EPHA5: variants seen among roughly 807,000 people sequenced by gnomAD.
EPHA5 encodes the protein ephrin type-A receptor 5.
A neutral mutation model predicts 105.0 loss-of-function variants in EPHA5; 60 were observed. The ratio of observed to expected loss-of-function variants is 0.57; its 90% CI spans 0.46 to 0.71. The LOEUF is 0.71. Among genes scored for constraint, EPHA5 ranks in the 30% least tolerant of loss-of-function variants. EPHA5 has a pLI of 0.00. For synonymous variants in EPHA5, 513 were observed against 449.1 expected, an observed-to-expected ratio of 1.14 and a Z score of -1.80; for missense variants, 1,218 against 1,274.7, an observed-to-expected ratio of 0.96 and a Z score of 0.68.
intron 3 of EPHA5, among the ~76,000 whole-genome samples, chr4:65,525,836 T>C (rs748022589): frequency 5.9e-5 from 9 of 151,906 alleles, no homozygotes; most frequent in Non-Finnish European, 1.2e-4. Context: ...ATGGGATTTT[T>C]TCAGAATCTG....
intron 8 of EPHA5, among the ~76,000 whole-genome samples, chr4:65,380,432 T>C (rs938015495): frequency 6.6e-6 from 1 of 151,764 alleles, no homozygotes; most frequent in Non-Finnish European, 1.5e-5. Flanking sequence ...TCTATGTAAG[T>C]ATGATAACCT....
chr4:65,527,771 A>G (rs1311705700), intron 3 of EPHA5, among the ~76,000 whole-genome samples: 1 of 152,040 alleles, frequency 6.6e-6, no homozygotes, highest in Non-Finnish European at 1.5e-5. Flanking sequence ...GGGCTATCGT[A>G]CAGGTCATTT....
chr4:65,644,026 T>C (rs1425076928), intron 1 of EPHA5, among the ~76,000 whole-genome samples: 1 of 152,038 alleles, frequency 6.6e-6, no homozygotes, highest in African/African-American at 2.4e-5. Context: ...ATAGTTGATA[T>C]ACTTAAGAAT....
At chr4:65,425,862 T>A (rs1055590919) in intron 5 of EPHA5, among the ~76,000 whole-genome samples, 6 of 152,164 alleles carry the variant, frequency 3.9e-5, no homozygotes, top group Non-Finnish European at 8.8e-5. Context: ...TTGATTTGTT[T>A]GTTCATTCAT....
At chr4:65,604,728 T>TTA (rs1744059742) in intron 2 of EPHA5, among the ~76,000 whole-genome samples, 4 of 144,070 alleles carry the variant, frequency 2.8e-5, no homozygotes, top group Admixed American at 2.8e-4. Context: ...ATCAGGTATG[T>TTA]AAAAAAAAAA....
chr4:65,333,126 G>A (rs1720798734), intron 15 of EPHA5, among the ~76,000 whole-genome samples: 2 of 151,430 alleles, frequency 1.3e-5, no homozygotes, highest in East Asian at 2.0e-4. Flanking sequence ...TGTATCTTAA[G>A]GGAATAATCA....
intron 5 of EPHA5, among the ~76,000 whole-genome samples, chr4:65,437,868 T>TA (rs879487669): frequency 3.9e-5 from 6 of 151,950 alleles, no homozygotes; most frequent in Non-Finnish European, 8.8e-5. Flanking sequence ...ATTTCCATGT[T>TA]AAAAATTTAA....
chr4:65,612,039 AG>A (rs760166197), intron 2 of EPHA5, among the ~76,000 whole-genome samples: 9 of 86,668 alleles, frequency 1.0e-4, no homozygotes, highest in African/African-American at 2.2e-4. Flanking sequence ...AAAAAAAAAA[AG>A]GAAAGAAAAG....
chr4:65,420,311 T>C, intron 6 of EPHA5, 130 bp downstream of exon 6: 1 of 910,730 alleles, frequency 1.1e-6, no homozygotes, highest in Non-Finnish European at 1.6e-6. Context: ...TCCATAATTA[T>C]GACTGCAGAA....
chr4:65,487,201 C>G (rs1730963438), intron 5 of EPHA5, among the ~76,000 whole-genome samples: 1 of 152,168 alleles, frequency 6.6e-6, no homozygotes, highest in Admixed American at 6.5e-5. Flanking sequence ...AAGACTAATA[C>G]AAACAGTGAG....
In EPHA5 at chr4:65,418,862, C is replaced by CTTTT. The variant is rs575608289; in HGVS notation, c.1527+1575_1527+1578dup. 1.9e-3 allele frequency among the ~76,000 whole-genome samples: 88 copies of CTTTT among 47,074 alleles called. 9 individuals are homozygous for CTTTT. Among genetic ancestry groups the CTTTT allele is most frequent in the African/African-American group, 4.4e-3 (40 of 9,092 alleles). The allele number at this position is 47,074 out of a possible 152,430, so 30.9% of individuals were successfully genotyped here. The stretch of plus-strand genomic sequence containing the variant: ...AACATTCAATACACTTACCTAAACT[C>CTTTT]TTTTTTTTTTTTTTTTTTTTTTTTT... On this transcript the variant is annotated intron_variant, in intron 6 of 16. Transcript: ENST00000613740.
At chr4:65,421,620 A>G (rs1352337907) in intron 5 of EPHA5, among the ~76,000 whole-genome samples, 2 of 152,118 alleles carry the variant, frequency 1.3e-5, no homozygotes, top group Non-Finnish European at 2.9e-5. Context: ...ACTATAGTAA[A>G]ATCATTTTTT....
chr4:65,369,194 G>A (rs1412778245), intron 8 of EPHA5, among the ~76,000 whole-genome samples: 1 of 152,170 alleles, frequency 6.6e-6, no homozygotes, highest in African/African-American at 2.4e-5. Flanking sequence ...ATGAATGAGA[G>A]AAAGATGTTT....
chr4:65,327,324 T>A (rs916609032), intron 16 of EPHA5, among the ~76,000 whole-genome samples: 1 of 151,246 alleles, frequency 6.6e-6, no homozygotes, highest in South Asian at 2.1e-4. Context: ...CAAGAACAAT[T>A]TATTATCTGA....
intron 5 of EPHA5, among the ~76,000 whole-genome samples, chr4:65,439,432 A>ACCC (rs1725801055): frequency 7.0e-6 from 1 of 142,598 alleles, no homozygotes; most frequent in Non-Finnish European, 1.5e-5. Flanking sequence ...CTCCACCCCC[A>ACCC]CACCACCCCC....
intron 3 of EPHA5, among the ~76,000 whole-genome samples, chr4:65,577,213 G>T (rs567884257): frequency 6.6e-6 from 1 of 151,784 alleles, no homozygotes; most frequent in South Asian, 2.1e-4. Context: ...ATTTCTTTAC[G>T]GGTGCACTTT....
chr4:65,347,933 G>A lies in EPHA5; in HGVS notation c.2595+121C>T, dbSNP rs901176849. The A allele has an allele frequency of 2.4e-5, 25 of 1,042,116 alleles. 1 individual carries two copies. Among genetic ancestry groups the A allele is most frequent in the African/African-American group, 2.3e-4 (14 of 61,874 alleles). The allele number at this position is 1,042,116 out of a possible 1,614,324, so 64.6% of individuals were successfully genotyped here. A position where few individuals can be genotyped will look rare whatever the true frequency, so the allele number is the denominator to read the frequency against. Reference sequence around the variant, plus strand: ...TCAACAACACAAAACAGATCAGAGGGTAAGCAAAGTATTTCATTTTCTTAA... The same window carrying A: ...TCAACAACACAAAACAGATCAGAGGATAAGCAAAGTATTTCATTTTCTTAA... On this transcript the variant is annotated intron_variant, in intron 14 of 16. Coordinates refer to ENST00000613740, the MANE Select transcript of EPHA5 (RefSeq NM_001281766.3).
Position 65,515,809 on chromosome 4 carries a change from C to G in EPHA5, c.911-20266G>C, listed in dbSNP as rs550210195. Reference sequence around the variant, plus strand: ...CAGAAGAGATTAGCATCTGAATAGACAGACTGAGAAAAGCATCACCCTTGC... The same window carrying G: ...CAGAAGAGATTAGCATCTGAATAGAGAGACTGAGAAAAGCATCACCCTTGC... On this transcript the variant is annotated intron_variant, in intron 3 of 16. Coordinates refer to ENST00000613740, the MANE Select transcript of EPHA5 (RefSeq NM_001281766.3). Among the ~76,000 whole-genome samples the G allele has an allele frequency of 4.6e-5, 7 of 152,178 alleles. No homozygotes were observed. In the South Asian group the frequency reaches 1.2e-3, roughly 27 times the overall value.
chr4:65,614,483 G>A (rs563472822), intron 2 of EPHA5, among the ~76,000 whole-genome samples: 87 of 151,916 alleles, frequency 5.7e-4, no homozygotes, highest in Non-Finnish European at 1.1e-3. Flanking sequence ...GAAGGTAAAT[G>A]TCCCTGACCT....
Sources: allele counts gnomAD v4.1 joint callset (sites outside exome capture counted in the v4.1 genomes callset), GRCh38; gene constraint gnomAD v4.1.1; transcripts MANE v1.5; gene names NCBI Gene and HGNC (gene_info 2026-07-23, HGNC 2026-07-21).